The following COL14A1 variants were observed in gnomAD, a reference collection of about 807,000 sequenced individuals.
COL14A1 encodes the protein collagen alpha-1(XIV) chain.
Under a neutral mutation model 230.3 loss-of-function variants are expected in COL14A1, and 136 were observed. The observed-to-expected ratio is 0.59, with a 90% CI of 0.51 to 0.68. The LOEUF is 0.68. Ranked by LOEUF, COL14A1 falls within the 30% of genes least tolerant of loss-of-function variation. The probability of loss-of-function intolerance (pLI) is 0.00; values close to 1 mark genes in which losing one functional copy is unlikely to be tolerated. For missense variants in COL14A1, 1,976 were observed against 2,215.8 expected (o/e 0.89, Z 2.17); for synonymous variants, 792 against 784.1 (o/e 1.01, Z -0.17).
chr8:120,332,161 A>G lies in COL14A1; in HGVS notation c.4680A>G (p.Gly1560=). The G allele has an allele frequency of 1.9e-6, 3 of 1,614,124 alleles. No homozygotes were observed. The highest frequency in any genetic ancestry group is 2.5e-6 in the Non-Finnish European group (3 of 1,179,988). Residue 1560 remains glycine, a synonymous_variant, in exon 41 of 48, where the codon GGA becomes GGG. Transcript: ENST00000297848. ...GCCAGGGCCTTCCGGGAAAGGATGG[A>G]TCCTCGGGACCTCCAGGACCACCAG... is the stretch of plus-strand genomic sequence containing the variant. The part of the protein sequence containing the change: ...PGQRGLPGKD[G]SSGPPGPPGP...
chr8:120,233,195 A>C (rs984355281), intron 19 of COL14A1, among the ~76,000 whole-genome samples: 3 of 152,000 alleles, frequency 2.0e-5, no homozygotes, highest in Admixed American at 6.6e-5. Flanking sequence ...AGATTGCAAA[A>C]ATTTTCTCCC....
At chr8:120,310,707 A>C (rs1488184070) in intron 37 of COL14A1, among the ~76,000 whole-genome samples, 1 of 152,172 alleles carries the variant, frequency 6.6e-6, no homozygotes, top group Non-Finnish European at 1.5e-5. Context: ...CAAATCTTCT[A>C]ACTGGTCTTC....
At position 120,367,157 on chromosome 8, in the gene COL14A1, A is replaced by G; in HGVS notation, c.5078-14A>G. 1 of 1,566,808 alleles carries G rather than the reference A, an allele frequency of 6.4e-7. No homozygotes were observed. Among genetic ancestry groups the G allele is most frequent in the South Asian group, 1.2e-5 (1 of 81,274 alleles). On this transcript the variant is annotated splice_polypyrimidine_tract_variant and intron_variant, in intron 45 of 47. Coordinates refer to ENST00000297848, the MANE Select transcript of COL14A1 (RefSeq NM_021110.4). The stretch of plus-strand genomic sequence containing the variant: ...AAAAGAACTTTAAACATTTTTAAAA[A>G]TTATTTTAAACAGGTCTAACTGGTA...
intron 5 of COL14A1, among the ~76,000 whole-genome samples, chr8:120,177,249 CAA>C (rs1816310200): frequency 6.6e-6 from 1 of 152,150 alleles, no homozygotes; most frequent in East Asian, 1.9e-4. Context: ...TTGCAATTCA[CAA>C]TTTCAAAACA....
Position 120,162,517 on chromosome 8 carries a change from T to G in COL14A1, c.297T>G (p.Ile99Met). ...CAGACCAGAATTACACAGTTCAAAT[T>G]ATTGCATACAATAAAGATAAAGAAA... Reference protein sequence around the residue: ...LMPDQNYTVQIIAYNKDKESK... With the variant: ...LMPDQNYTVQMIAYNKDKESK... The change falls in exon 4 of 48, where the codon ATT becomes ATG. Residue 99 changes from isoleucine to methionine, a missense_variant. By Grantham distance (10) the Ile-to-Met change is conservative. Transcript: ENST00000297848. The G allele has an allele frequency of 6.2e-7, 1 of 1,611,830 alleles. No individual in the cohort carries two copies. The highest frequency in any genetic ancestry group is 8.5e-7 in the Non-Finnish European group (1 of 1,179,022).
At chr8:120,204,190 T>A (rs1477201976) in intron 9 of COL14A1, among the ~76,000 whole-genome samples, 28 of 152,232 alleles carry the variant, frequency 1.8e-4, no homozygotes, top group Admixed American at 1.8e-3. Context: ...GTGTGTTCTT[T>A]ACTAGTTTTC....
chr8:120,152,469 CAAAAAAAAAAA>C (rs397891260), intron 2 of COL14A1, among the ~76,000 whole-genome samples: 2 of 59,610 alleles, frequency 3.4e-5, no homozygotes, highest in South Asian at 1.0e-3. Flanking sequence ...GATTCCATCT[CAAAAAAAAAAA>C]AAAAAAAAAA....
Position 120,226,700 on chromosome 8 carries a change from C to G in COL14A1, c.1938C>G (p.Pro646=), listed in dbSNP as rs759004745. 1 of 1,613,790 alleles carries G rather than the reference C, an allele frequency of 6.2e-7. No homozygotes were observed. Among genetic ancestry groups the G allele is most frequent in the Non-Finnish European group, 8.5e-7 (1 of 1,179,840 alleles). ...TTDSFRVTWH[P]LSADEGLHKL... ...ACAGTTTTAGGGTGACCTGGCATCCCCTCTCAGCTGATGAAGGGCTACACA... is the reference window on the plus strand; with the variant it reads ...ACAGTTTTAGGGTGACCTGGCATCCGCTCTCAGCTGATGAAGGGCTACACA... The change falls in exon 16 of 48, where the codon CCC becomes CCG. Residue 646 remains proline, a synonymous_variant. Coordinates refer to ENST00000297848, the MANE Select transcript of COL14A1 (RefSeq NM_021110.4).
intron 5 of COL14A1, among the ~76,000 whole-genome samples, chr8:120,194,615 A>G (rs2130701370): frequency 6.6e-6 from 1 of 152,316 alleles, no homozygotes; most frequent in Non-Finnish European, 1.5e-5. Context: ...AATAAACAGA[A>G]AATATCTATT....
chr8:120,340,218 A>G (rs1484782761), intron 42 of COL14A1, among the ~76,000 whole-genome samples: 1 of 152,048 alleles, frequency 6.6e-6, no homozygotes, highest in Non-Finnish European at 1.5e-5. Flanking sequence ...CTGGAGAGTC[A>G]ATCATGCATT....
At chr8:120,214,417 T>TA (rs1390249812) in intron 13 of COL14A1, among the ~76,000 whole-genome samples, 3 of 152,178 alleles carry the variant, frequency 2.0e-5, no homozygotes, top group Non-Finnish European at 4.4e-5. Flanking sequence ...ATTTTTACAA[T>TA]AAGCCTGTAA....
intron 28 of COL14A1, 132 bp downstream of exon 28, chr8:120,278,710 A>C: frequency 1.1e-6 from 1 of 883,306 alleles, no homozygotes; most frequent in Non-Finnish European, 1.6e-6. Context: ...AGACAGTGTA[A>C]TTTTTAAAAT....
intron 3 of COL14A1, among the ~76,000 whole-genome samples, chr8:120,160,492 C>T (rs1043681164): frequency 1.3e-5 from 2 of 152,260 alleles, no homozygotes; most frequent in African/African-American, 4.8e-5. Context: ...TGCTTCAATC[C>T]TCTCTTGAAG....
intron 19 of COL14A1, chr8:120,232,167 A>G (rs10093861): frequency 0.59 from 89,344 of 152,118 alleles, 27,612 homozygotes; most frequent in East Asian, 0.79. Context: ...CGTAACATGG[A>G]TGTATCCCCT....
chr8:120,145,533 C>T (rs1237210684), intron 1 of COL14A1, among the ~76,000 whole-genome samples: 5 of 152,088 alleles, frequency 3.3e-5, no homozygotes, highest in Admixed American at 6.6e-5. Flanking sequence ...GCAGGAGAAT[C>T]GCTTGAACCC....
chr8:120,162,912 T>TTTAC (rs1480691550), intron 4 of COL14A1, among the ~76,000 whole-genome samples: 12 of 152,224 alleles, frequency 7.9e-5, no homozygotes, highest in African/African-American at 2.7e-4. Flanking sequence ...TAATTGCTTA[T>TTTAC]TTACTTCTCT....
intron 44 of COL14A1, among the ~76,000 whole-genome samples, chr8:120,343,768 A>G (rs28686875): frequency 0.02 from 3,086 of 152,316 alleles, 107 homozygotes; most frequent in African/African-American, 0.068. Flanking sequence ...AGAGAAATTG[A>G]ACATTAATCA....
At position 120,278,535 on chromosome 8, in the gene COL14A1, A is replaced by G. The variant is rs1205528155; in HGVS notation, c.3438A>G (p.Ser1146=). The change falls in exon 28 of 48, where the codon TCA becomes TCG. Residue 1146 remains serine (S), a synonymous_variant. Transcript: ENST00000297848. ...TCGTGGTTATAACTGATGGAAGATC[A>G]CAAGATGATGTGAACAAAATCTCCA... The part of the protein sequence containing the change: ...KVIVVITDGR[S]QDDVNKISRE... 3 of 1,613,020 alleles carry G rather than the reference A, an allele frequency of 1.9e-6. No individual in the cohort carries two copies. The highest frequency in any genetic ancestry group is 2.5e-6 in the Non-Finnish European group (3 of 1,179,464).
intron 1 of COL14A1, 95 bp downstream of exon 1, chr8:120,125,435 T>G (rs954260361): frequency 3.3e-5 from 5 of 152,332 alleles, no homozygotes; most frequent in Non-Finnish European, 7.3e-5. Context: ...GCAGACGCAA[T>G]GCAGTTCCAT....
Sources: allele counts gnomAD v4.1 joint callset (sites outside exome capture counted in the v4.1 genomes callset), GRCh38; gene constraint gnomAD v4.1.1; transcripts MANE v1.5; gene names NCBI Gene and HGNC (gene_info 2026-07-23, HGNC 2026-07-21).